Variants in LRMDA observed in about 807,000 individuals in gnomAD.
LRMDA encodes the protein leucine-rich melanocyte differentiation-associated protein.
In LRMDA, 18 loss-of-function variants were observed where a neutral mutation model predicts 29.8. The observed-to-expected ratio is 0.60, with a 90% CI of 0.42 to 0.90. The LOEUF (loss-of-function observed/expected upper bound fraction) is 0.90, where lower values mean the gene tolerates loss of function less well. Ranked by LOEUF, LRMDA falls within the 40% of genes least tolerant of loss-of-function variation. The pLI is 0.00. For synonymous variants in LRMDA, 125 were observed against 109.4 expected (o/e 1.14, Z -0.89); for missense variants, 273 against 273.9 (o/e 1.00, Z 0.02).
At chr10:75,931,905 T>C (rs1846211765) in intron 2 of LRMDA, among the ~76,000 whole-genome samples, 1 of 152,212 alleles carries the variant, frequency 6.6e-6, no homozygotes, top group Non-Finnish European at 1.5e-5. Context: ...CTATTGTATG[T>C]CTTCTTCCCC....
intron 6 of LRMDA, among the ~76,000 whole-genome samples, chr10:76,554,490 C>T (rs1323345461): frequency 6.6e-6 from 1 of 152,174 alleles, no homozygotes; most frequent in Non-Finnish European, 1.5e-5. Context: ...AGATCATTGA[C>T]AATATTAATA....
At chr10:76,152,338 C>T (rs945028318) in intron 5 of LRMDA, among the ~76,000 whole-genome samples, 40 of 152,114 alleles carry the variant, frequency 2.6e-4, no homozygotes, top group Non-Finnish European at 5.7e-4. Context: ...CTTATTGTAT[C>T]ATAAATCAGA....
intron 6 of LRMDA, among the ~76,000 whole-genome samples, chr10:76,402,801 C>T (rs1023966737): frequency 1.3e-5 from 2 of 152,188 alleles, no homozygotes; most frequent in Non-Finnish European, 2.9e-5. Context: ...CATTTTCTAC[C>T]TTAATTTAAT....
chr10:76,234,677 G>C lies in LRMDA; in HGVS notation c.517-89724G>C, dbSNP rs546204444. 2.6e-5 allele frequency among the ~76,000 whole-genome samples: 4 copies of C among 152,316 alleles called. No individual in the cohort carries two copies. In the South Asian group the frequency reaches 6.2e-4, roughly 24 times the overall value. ...TGCAATTTTTCCATCAGCACTTGTT[G>C]CTTCACCTTGCCCTTTTATGAAGAC... On this transcript the variant is annotated intron_variant, in intron 5 of 6. Transcript: ENST00000611255.
At chr10:75,928,591 G>A (rs748283874) in intron 2 of LRMDA, among the ~76,000 whole-genome samples, 8 of 152,152 alleles carry the variant, frequency 5.3e-5, no homozygotes, top group African/African-American at 9.7e-5. Flanking sequence ...ATCATATACC[G>A]CGAGGGTAGT....
chr10:76,133,121 A>C (rs997325938), intron 5 of LRMDA, among the ~76,000 whole-genome samples: 9 of 151,854 alleles, frequency 5.9e-5, no homozygotes, highest in Non-Finnish European at 4.4e-5. Context: ...GAGCCCGGCC[A>C]ACAAGCACCT....
intron 6 of LRMDA, among the ~76,000 whole-genome samples, chr10:76,436,320 A>T (rs946116517): frequency 3.3e-5 from 5 of 152,192 alleles, no homozygotes; most frequent in Non-Finnish European, 7.3e-5. Flanking sequence ...AAAAGACTCC[A>T]TTGTCATTGG....
chr10:75,731,201 C>T (rs1297346537), intron 2 of LRMDA, among the ~76,000 whole-genome samples: 1 of 152,146 alleles, frequency 6.6e-6, no homozygotes, highest in South Asian at 2.1e-4. Context: ...TTAAGTGAAA[C>T]AGAGCAGACA....
intron 5 of LRMDA, among the ~76,000 whole-genome samples, chr10:76,244,421 A>G (rs1207800408): frequency 2.0e-5 from 3 of 152,198 alleles, no homozygotes; most frequent in African/African-American, 4.8e-5. Context: ...TCCATTCTTC[A>G]GGAGCTGTTC....
chr10:75,546,386 TGTACAC>T (rs199995629), intron 2 of LRMDA, among the ~76,000 whole-genome samples: 4,228 of 152,274 alleles, frequency 0.028, 209 homozygotes, highest in African/African-American at 0.096. Flanking sequence ...TAAAAATATG[TGTACAC>T]AGGTTATGAA....
At chr10:75,805,908 G>C (rs920834805) in intron 2 of LRMDA, among the ~76,000 whole-genome samples, 3 of 152,126 alleles carry the variant, frequency 2.0e-5, no homozygotes, top group African/African-American at 7.2e-5. Context: ...TTCTTGCCTT[G>C]CTCTAGAGAA....
intron 2 of LRMDA, among the ~76,000 whole-genome samples, chr10:75,978,843 G>C (rs1390256283): frequency 6.6e-6 from 1 of 152,126 alleles, no homozygotes; most frequent in East Asian, 1.9e-4. Context: ...ATGTTATAAT[G>C]TTTTTCTTTA....
intron 2 of LRMDA, among the ~76,000 whole-genome samples, chr10:75,627,308 TG>T (rs1432276259): frequency 6.6e-6 from 1 of 152,206 alleles, no homozygotes; most frequent in Non-Finnish European, 1.5e-5. Context: ...CTGAACAAAG[TG>T]GGAAGCAGGT....
chr10:75,529,484 A>G (rs974536633), intron 2 of LRMDA, among the ~76,000 whole-genome samples: 2 of 152,210 alleles, frequency 1.3e-5, no homozygotes, highest in East Asian at 1.9e-4. Context: ...AGAGTAAACC[A>G]GAAAGGAGAT....
chr10:75,895,012 G>A (rs990367233), intron 2 of LRMDA, among the ~76,000 whole-genome samples: 1 of 152,170 alleles, frequency 6.6e-6, no homozygotes, highest in African/African-American at 2.4e-5. Flanking sequence ...GGTAGGATTT[G>A]TTTGGATGAA....
intron 5 of LRMDA, among the ~76,000 whole-genome samples, chr10:76,088,692 T>TA (rs1849180879): frequency 6.6e-6 from 1 of 152,206 alleles, no homozygotes; most frequent in African/African-American, 2.4e-5. Flanking sequence ...CTTTTTGAAA[T>TA]ATATTGGTTA....
chr10:76,402,858 G>A (rs929726672), intron 6 of LRMDA, among the ~76,000 whole-genome samples: 2 of 152,082 alleles, frequency 1.3e-5, no homozygotes, highest in Admixed American at 1.3e-4. Flanking sequence ...TTAAAATAGA[G>A]ATTTTTTCAG....
chr10:75,621,573 T>C (rs1841186462), intron 2 of LRMDA, among the ~76,000 whole-genome samples: 1 of 152,182 alleles, frequency 6.6e-6, no homozygotes, highest in African/African-American at 2.4e-5. Flanking sequence ...CGTGTGTCCC[T>C]TGGCAGTCAC....
chr10:76,118,463 A>G (rs1364280325), intron 5 of LRMDA, among the ~76,000 whole-genome samples: 3 of 152,164 alleles, frequency 2.0e-5, no homozygotes, highest in Admixed American at 1.3e-4. Flanking sequence ...AAGAACAGCA[A>G]ATGTTCTGGG....
Sources: allele counts gnomAD v4.1 joint callset (sites outside exome capture counted in the v4.1 genomes callset), GRCh38; gene constraint gnomAD v4.1.1; transcripts MANE v1.5; gene names NCBI Gene and HGNC (gene_info 2026-07-23, HGNC 2026-07-21).